The following NKAIN3 variants were observed in gnomAD, a reference collection of about 807,000 sequenced individuals.
NKAIN3 encodes sodium/potassium-transporting ATPase subunit beta-1-interacting protein 3.
A neutral mutation model predicts 30.2 loss-of-function variants in NKAIN3; 25 were observed. That is an observed-to-expected ratio of 0.83 (90% CI 0.60 to 1.16). NKAIN3 has a LOEUF of 1.16. Among genes scored for constraint, NKAIN3 ranks in the 50% most tolerant of loss-of-function variants. The pLI is 0.00. For missense variants in NKAIN3, 225 were observed against 254.1 expected, an observed-to-expected ratio of 0.89 and a Z score of 0.78; for synonymous variants, 91 against 89.6, an observed-to-expected ratio of 1.02 and a Z score of -0.09.
intron 3 of NKAIN3, among the ~76,000 whole-genome samples, chr8:62,710,159 G>A (rs1814668524): frequency 6.6e-6 from 1 of 152,092 alleles, no homozygotes; most frequent in South Asian, 2.1e-4. Context: ...CTGTCTTGGA[G>A]ATTGTTCCAT....
chr8:62,257,424 C>T (rs964734015), intron 1 of NKAIN3, among the ~76,000 whole-genome samples: 5 of 152,058 alleles, frequency 3.3e-5, no homozygotes, highest in South Asian at 2.1e-4. Flanking sequence ...GTTTTTAATT[C>T]TTTAGGTTGA....
chr8:62,316,899 G>GT (rs1814656225), intron 1 of NKAIN3, among the ~76,000 whole-genome samples: 1 of 152,106 alleles, frequency 6.6e-6, no homozygotes, highest in South Asian at 2.1e-4. Context: ...AACCAACAGT[G>GT]TAAGTGTTCT....
At chr8:62,349,159 A>G (rs1042500232) in intron 1 of NKAIN3, among the ~76,000 whole-genome samples, 1 of 152,186 alleles carries the variant, frequency 6.6e-6, no homozygotes, top group Non-Finnish European at 1.5e-5. Context: ...ATTGCACATC[A>G]TCATGCATCT....
chr8:62,337,041 C>T (rs1815575405), intron 1 of NKAIN3, among the ~76,000 whole-genome samples: 1 of 152,064 alleles, frequency 6.6e-6, no homozygotes, highest in Non-Finnish European at 1.5e-5. Flanking sequence ...CCCATCTTCT[C>T]TCCCTCCCTC....
At chr8:62,484,062 G>A (rs919310301) in intron 1 of NKAIN3, among the ~76,000 whole-genome samples, 1 of 152,154 alleles carries the variant, frequency 6.6e-6, no homozygotes, top group Non-Finnish European at 1.5e-5. Context: ...TACACAAGTC[G>A]GTAGGTGCTG....
intron 4 of NKAIN3, among the ~76,000 whole-genome samples, chr8:62,889,930 G>C (rs1412607131): frequency 6.6e-6 from 1 of 151,760 alleles, no homozygotes; most frequent in African/African-American, 2.4e-5. Flanking sequence ...CAGTGGAATG[G>C]TATAAAAAAA....
chr8:62,569,862 A>G (rs1476784064), intron 1 of NKAIN3, among the ~76,000 whole-genome samples: 1 of 152,280 alleles, frequency 6.6e-6, no homozygotes, highest in South Asian at 2.1e-4. Context: ...TGATATTTAG[A>G]GCTTTTAAAT....
In NKAIN3 at chr8:62,349,790, G is replaced by A. The variant is rs1040522303; in HGVS notation, c.54+100663G>A. Among the ~76,000 whole-genome samples, 5 of 152,262 alleles carry A rather than the reference G, an allele frequency of 3.3e-5. No individual in the cohort carries two copies. The South Asian group carries it at 6.2e-4, about 19-fold the overall frequency. On this transcript the variant is annotated intron_variant, in intron 1 of 6. Coordinates refer to ENST00000623646, the MANE Select transcript of NKAIN3 (RefSeq NM_001304533.3). ...GAAGACAAAGTTTGAATTCTTCCCAGTCTCAAAGAGTGAAGGTAGATATAT... is the reference window on the plus strand; with the variant it reads ...GAAGACAAAGTTTGAATTCTTCCCAATCTCAAAGAGTGAAGGTAGATATAT...
chr8:62,856,500 G>T (rs1192692768), intron 4 of NKAIN3: 1 of 784,476 alleles, frequency 1.3e-6, no homozygotes, highest in South Asian at 1.3e-5. Flanking sequence ...AGTCAAGGAA[G>T]ATACCTGTAT....
intron 1 of NKAIN3, among the ~76,000 whole-genome samples, chr8:62,315,246 T>C (rs184342460): frequency 6.6e-6 from 1 of 152,198 alleles, no homozygotes; most frequent in South Asian, 2.1e-4. Flanking sequence ...AAGGCTCTTA[T>C]ATAGCAACTT....
chr8:62,601,364 A>T (rs758583685), intron 3 of NKAIN3, among the ~76,000 whole-genome samples: 5 of 152,032 alleles, frequency 3.3e-5, no homozygotes, highest in Non-Finnish European at 5.9e-5. Context: ...ATTCAGAAAT[A>T]GTATATCTGG....
chr8:62,280,038 C>A (rs1490065705), intron 1 of NKAIN3, among the ~76,000 whole-genome samples: 2 of 152,168 alleles, frequency 1.3e-5, no homozygotes, highest in Admixed American at 1.3e-4. Flanking sequence ...TTTGTGTCCT[C>A]TTTTATTTCG....
At chr8:62,563,371 CT>C (rs1178378332) in intron 1 of NKAIN3, among the ~76,000 whole-genome samples, 1 of 151,972 alleles carries the variant, frequency 6.6e-6, no homozygotes, top group African/African-American at 2.4e-5. Context: ...TTCCTTTTGC[CT>C]ATTTTTTGTG....
intron 6 of NKAIN3, among the ~76,000 whole-genome samples, chr8:62,962,744 T>C (rs1232052410): frequency 6.6e-6 from 1 of 152,240 alleles, no homozygotes; most frequent in African/African-American, 2.4e-5. Context: ...GATATAATAG[T>C]TGAGATTTGA....
chr8:62,376,882 C>A (rs1817100605), intron 1 of NKAIN3, among the ~76,000 whole-genome samples: 1 of 152,042 alleles, frequency 6.6e-6, no homozygotes, highest in African/African-American at 2.4e-5. Flanking sequence ...AGAATCAACC[C>A]TCCATGGAAG....
intron 1 of NKAIN3, among the ~76,000 whole-genome samples, chr8:62,575,479 G>T (rs1429055481): frequency 6.6e-6 from 1 of 152,008 alleles, no homozygotes; most frequent in Non-Finnish European, 1.5e-5. Flanking sequence ...ACCAAAAAAT[G>T]GAAAGATATT....
chr8:62,685,170 A>G (rs1011039648), intron 3 of NKAIN3, among the ~76,000 whole-genome samples: 1 of 152,212 alleles, frequency 6.6e-6, no homozygotes, highest in Admixed American at 6.5e-5. Flanking sequence ...TCATGACAAA[A>G]TAGCAGGTAG....
chr8:62,391,956 T>A (rs13270924), intron 1 of NKAIN3, among the ~76,000 whole-genome samples: 1 of 151,766 alleles, frequency 6.6e-6, no homozygotes, highest in African/African-American at 2.4e-5. Context: ...GAATAATTTA[T>A]CTTTGGTGTA....
intron 3 of NKAIN3, among the ~76,000 whole-genome samples, chr8:62,739,967 T>C (rs1271323257): frequency 6.6e-6 from 1 of 152,154 alleles, no homozygotes; most frequent in Non-Finnish European, 1.5e-5. Context: ...AATGAAAACG[T>C]AAATACCTTT....
Sources: gnomAD v4.1 joint callset for allele counts (sites outside exome capture counted in the v4.1 genomes callset) on GRCh38, gnomAD v4.1.1 for gene constraint, MANE v1.5 for transcripts, NCBI Gene and HGNC (gene_info 2026-07-23, HGNC 2026-07-21) for gene names.